ASTN2: variants seen among roughly 807,000 people sequenced by gnomAD.
The protein encoded by ASTN2 is astrotactin-2.
In ASTN2, 54 loss-of-function variants were observed where a neutral mutation model predicts 139.8. The ratio of observed to expected loss-of-function variants is 0.39; its 90% confidence interval spans 0.31 to 0.48. The LOEUF (loss-of-function observed/expected upper bound fraction) is 0.48, where lower values mean the gene tolerates loss of function less well. ASTN2 is among the 20% of genes least tolerant of loss of function. ASTN2 has a pLI of 0.95. For missense variants in ASTN2, 1,565 were observed against 1,725.1 expected, an observed-to-expected ratio of 0.91 and a Z score of 1.64; for synonymous variants, 756 against 719.5, an observed-to-expected ratio of 1.05 and a Z score of -0.81.
chr9:116,723,267 G>A (rs747152780), intron 16 of ASTN2, among the ~76,000 whole-genome samples: 2 of 152,078 alleles, frequency 1.3e-5, no homozygotes, highest in African/African-American at 2.4e-5. Context: ...TCAAGCTACT[G>A]TTTTCTATGT....
intron 3 of ASTN2, among the ~76,000 whole-genome samples, chr9:117,166,885 C>G (rs1830681890): frequency 6.6e-6 from 1 of 152,148 alleles, no homozygotes; most frequent in Non-Finnish European, 1.5e-5. Flanking sequence ...CTTCTTTCCT[C>G]TCTTAGACTC....
chr9:117,411,648 C>A (rs1298630139), intron 1 of ASTN2, among the ~76,000 whole-genome samples: 1 of 152,042 alleles, frequency 6.6e-6, no homozygotes, highest in Non-Finnish European at 1.5e-5. Flanking sequence ...TTTTGTTTGT[C>A]CCCCTTTAAT....
chr9:117,299,541 G>A lies in ASTN2; in HGVS notation c.443-8028C>T, dbSNP rs537038996. Among the ~76,000 whole-genome samples, 7 of 152,302 alleles carry A rather than the reference G, an allele frequency of 4.6e-5. No homozygotes were observed. In the East Asian group the frequency reaches 7.7e-4, roughly 17 times the overall value. On this transcript the variant is annotated intron_variant, in intron 1 of 22. Coordinates refer to ENST00000313400, the MANE Select transcript of ASTN2 (RefSeq NM_001365068.1). ...CTTCAGATGGAGAATTGGCACAAGGGAAGGAAGGCAAGAAGGTCACAAATG... is the reference window on the plus strand; with the variant it reads ...CTTCAGATGGAGAATTGGCACAAGGAAAGGAAGGCAAGAAGGTCACAAATG...
At chr9:116,744,270 G>A (rs1829176361) in intron 13 of ASTN2, among the ~76,000 whole-genome samples, 1 of 152,196 alleles carries the variant, frequency 6.6e-6, no homozygotes, top group Non-Finnish European at 1.5e-5. Flanking sequence ...CAGCGAGTGA[G>A]AAGCAAGGAT....
Position 116,697,301 on chromosome 9 carries a change from C to T in ASTN2, c.2806+28470G>A, listed in dbSNP as rs144031102. 53 of 207,436 alleles carry T rather than the reference C, an allele frequency of 2.6e-4. No individual in the cohort carries two copies. The East Asian group carries it at 4.7e-3, about 19-fold the overall frequency. The allele number at this position is 207,436 out of a possible 1,614,324, so 12.8% of individuals were successfully genotyped here. The stretch of plus-strand genomic sequence containing the variant: ...TTCCCTGGTGCTATACTAAGCACAT[C>T]ATATTTATCTTGTTACTTAGCCCTT... On this transcript the variant is annotated intron_variant, in intron 16 of 22. Transcript: ENST00000313400.
intron 16 of ASTN2, among the ~76,000 whole-genome samples, chr9:116,719,944 G>T (rs1317687592): frequency 6.6e-6 from 1 of 152,198 alleles, no homozygotes; most frequent in Non-Finnish European, 1.5e-5. Flanking sequence ...CACTGAGGAA[G>T]TAAACCAAGA....
intron 2 of ASTN2, among the ~76,000 whole-genome samples, chr9:117,248,622 G>C (rs1833451720): frequency 6.6e-6 from 1 of 152,130 alleles, no homozygotes; most frequent in Non-Finnish European, 1.5e-5. Context: ...CAATACTGTT[G>C]GACAATGACA....
At chr9:117,007,756 G>T (rs1456973496) in intron 7 of ASTN2, among the ~76,000 whole-genome samples, 1 of 152,120 alleles carries the variant, frequency 6.6e-6, no homozygotes, top group African/African-American at 2.4e-5. Context: ...GTACTGAAAG[G>T]TAGGCAGTGT....
At chr9:117,135,402 G>T (rs1218753429) in intron 4 of ASTN2, among the ~76,000 whole-genome samples, 2 of 152,146 alleles carry the variant, frequency 1.3e-5, no homozygotes, top group Non-Finnish European at 2.9e-5. Context: ...CTCAGTAGAT[G>T]GTAGGCTGCA....
chr9:117,392,703 T>C (rs531002376), intron 1 of ASTN2, among the ~76,000 whole-genome samples: 3 of 152,298 alleles, frequency 2.0e-5, no homozygotes, highest in Admixed American at 6.5e-5. Flanking sequence ...GAAGGGATAG[T>C]CTCTTAAGAG....
At chr9:116,676,140 G>A (rs749886769) in intron 16 of ASTN2, among the ~76,000 whole-genome samples, 5 of 152,260 alleles carry the variant, frequency 3.3e-5, no homozygotes, top group South Asian at 2.1e-4. Context: ...ACGAGAAGCC[G>A]CTCCGTTCTT....
chr9:117,254,660 T>C (rs1040028239), intron 2 of ASTN2, among the ~76,000 whole-genome samples: 11 of 152,216 alleles, frequency 7.2e-5, no homozygotes, highest in African/African-American at 2.7e-4. Context: ...ATACAGACAG[T>C]TGTATATATG....
At chr9:117,139,391 G>A (rs1478286827) in intron 4 of ASTN2, among the ~76,000 whole-genome samples, 1 of 152,200 alleles carries the variant, frequency 6.6e-6, no homozygotes, top group Admixed American at 6.5e-5. Context: ...AGTCATGCAA[G>A]TTAAAACTGA....
At chr9:116,767,343 G>A (rs962709753) in intron 13 of ASTN2, among the ~76,000 whole-genome samples, 3 of 152,186 alleles carry the variant, frequency 2.0e-5, no homozygotes, top group East Asian at 1.9e-4. Flanking sequence ...AGGGAGGGGT[G>A]GCTTGGGAGA....
intron 19 of ASTN2, among the ~76,000 whole-genome samples, chr9:116,614,312 G>C (rs1345503476): frequency 2.0e-5 from 3 of 152,114 alleles, no homozygotes; most frequent in African/African-American, 7.2e-5. Flanking sequence ...ATAATTTATA[G>C]ATTCAGTGCC....
At chr9:116,590,475 C>T (rs141508829) in intron 19 of ASTN2, among the ~76,000 whole-genome samples, 204 of 152,322 alleles carry the variant, frequency 1.3e-3, no homozygotes, top group African/African-American at 3.8e-3. Context: ...GGGGCTGGGA[C>T]AGCTCTGCAC....
At chr9:117,262,002 T>C (rs1441471407) in intron 2 of ASTN2, among the ~76,000 whole-genome samples, 1 of 152,226 alleles carries the variant, frequency 6.6e-6, no homozygotes, top group African/African-American at 2.4e-5. Context: ...TTTAAAAAGG[T>C]ATTATTTCAA....
intron 13 of ASTN2, among the ~76,000 whole-genome samples, chr9:116,755,016 A>G (rs1438276404): frequency 1.3e-5 from 2 of 152,096 alleles, no homozygotes; most frequent in African/African-American, 4.8e-5. Context: ...TTGTCACTCA[A>G]ACCCACCCTG....
rs192863704 is a variant in ASTN2, at chr9:117,073,264, C to G, written c.1276+22780G>C. Among the ~76,000 whole-genome samples, 13 of 152,280 alleles carry G rather than the reference C, an allele frequency of 8.5e-5. No homozygotes were observed. The Middle Eastern group carries it at 0.01, about 120-fold the overall frequency. The stretch of plus-strand genomic sequence containing the variant: ...ATGACCAGGCCTGGCTGACCTCCCC[C>G]ACAACTCATTCCGCTCAGCTTCCTG... On this transcript the variant is annotated intron_variant, in intron 5 of 22. Transcript: ENST00000313400.
Sources: gnomAD v4.1 joint callset for allele counts (sites outside exome capture counted in the v4.1 genomes callset) on GRCh38, gnomAD v4.1.1 for gene constraint, MANE v1.5 for transcripts, NCBI Gene and HGNC (gene_info 2026-07-23, HGNC 2026-07-21) for gene names.